Variants in HHLA2 observed in about 807,000 individuals in gnomAD.
The protein encoded by HHLA2 is HHLA2 member of B7 family, also known as HERV-H LTR-associating protein 2.
A neutral mutation model predicts 45.9 loss-of-function variants in HHLA2; 48 were observed. The observed-to-expected ratio is 1.05, with a 90% CI of 0.83 to 1.33. The LOEUF (loss-of-function observed/expected upper bound fraction) is 1.33. Ranked by LOEUF, HHLA2 falls within the 40% of genes most tolerant of loss-of-function variation. The pLI is 0.00. For synonymous variants in HHLA2, 161 were observed against 173.9 expected (o/e 0.93, Z 0.59); for missense variants, 462 against 494.3 (o/e 0.93, Z 0.62).
intron 2 of HHLA2, among the ~76,000 whole-genome samples, chr3:108,316,632 C>A (rs1048971450): frequency 6.6e-6 from 1 of 152,164 alleles, no homozygotes; most frequent in Non-Finnish European, 1.5e-5. Flanking sequence ...GAGACAGTTA[C>A]AGCTAGGTCA....
chr3:108,310,261 T>C (rs2080997434), intron 1 of HHLA2, among the ~76,000 whole-genome samples: 1 of 152,196 alleles, frequency 6.6e-6, no homozygotes, highest in Non-Finnish European at 1.5e-5. Context: ...TTGATATTTA[T>C]AGGAAAAACA....
At chr3:108,317,364 C>T (rs1027534553) in intron 2 of HHLA2, among the ~76,000 whole-genome samples, 1 of 152,112 alleles carries the variant, frequency 6.6e-6, no homozygotes, top group African/African-American at 2.4e-5. Context: ...CCAGCTGTTG[C>T]TGATTAAAGA....
chr3:108,320,150 T>C (rs2081174415), intron 2 of HHLA2, among the ~76,000 whole-genome samples: 1 of 152,218 alleles, frequency 6.6e-6, no homozygotes, highest in Non-Finnish European at 1.5e-5. Flanking sequence ...TTTCATAGAC[T>C]ATTTCCTAGA....
exon 6 of HHLA2, chr3:108,355,267 G>A (rs752698352): frequency 6.2e-7 from 1 of 1,613,826 alleles, no homozygotes; most frequent in Non-Finnish European, 8.5e-7. Flanking sequence ...AGGGTCTTTG[G>A]ATTCTTTTTC....
intron 3 of HHLA2, among the ~76,000 whole-genome samples, chr3:108,333,260 G>T (rs1158448627): frequency 6.6e-6 from 1 of 152,116 alleles, no homozygotes; most frequent in East Asian, 1.9e-4. Context: ...ATTAAGTAGA[G>T]GTGACGTGAT....
intron 8 of HHLA2, among the ~76,000 whole-genome samples, chr3:108,363,366 C>A (rs1192772091): frequency 6.6e-6 from 1 of 152,104 alleles, no homozygotes; most frequent in Admixed American, 6.5e-5. Flanking sequence ...CCCCAGAAGC[C>A]CTCCCTTATT....
chr3:108,341,422 A>G (rs2081569566), intron 3 of HHLA2, among the ~76,000 whole-genome samples: 1 of 152,238 alleles, frequency 6.6e-6, no homozygotes, highest in Non-Finnish European at 1.5e-5. Context: ...TAAACTTACT[A>G]CAAACTTCTA....
chr3:108,305,962 C>T (rs946323325), intron 1 of HHLA2, among the ~76,000 whole-genome samples: 1 of 152,180 alleles, frequency 6.6e-6, no homozygotes, highest in Admixed American at 6.5e-5. Context: ...TCATCACCAC[C>T]TTTGTGTCAT....
At chr3:108,372,706 G>A (rs1294062465) in intron 8 of HHLA2, among the ~76,000 whole-genome samples, 19 of 152,056 alleles carry the variant, frequency 1.2e-4, no homozygotes, top group African/African-American at 3.6e-4. Flanking sequence ...ACACCTCTAC[G>A]TGAATAAACT....
intron 2 of HHLA2, among the ~76,000 whole-genome samples, chr3:108,314,567 T>C (rs746023384): frequency 1.5e-4 from 23 of 152,070 alleles, no homozygotes; most frequent in Non-Finnish European, 2.5e-4. Flanking sequence ...ACACCATGGC[T>C]CCTCTCTCCA....
At position 108,343,715 on chromosome 3, in the gene HHLA2, A is replaced by G. The variant is rs1001303608; in HGVS notation, c.-26-8073A>G. Reference sequence around the variant, plus strand: ...ATATGAAAAGATGACAAAGGGATTGAGTGGGAATGATTAACCTCATACTGG... The same window carrying G: ...ATATGAAAAGATGACAAAGGGATTGGGTGGGAATGATTAACCTCATACTGG... On this transcript the variant is annotated intron_variant, in intron 3 of 10. Transcript: ENST00000619531. Among the ~76,000 whole-genome samples, 11 of 152,220 alleles carry G rather than the reference A, an allele frequency of 7.2e-5. No individual in the cohort carries two copies. In the East Asian group the frequency reaches 1.9e-3, roughly 27 times the overall value.
rs1477677242 is a variant in HHLA2 at position 108,310,361 on chromosome 3, C to T, written c.-191-294C>T. Among the ~76,000 whole-genome samples the T allele has an allele frequency of 2.0e-5, 3 of 152,154 alleles. No homozygotes were observed. In the East Asian group the frequency reaches 5.8e-4, roughly 29 times the overall value. On this transcript the variant is annotated intron_variant, in intron 1 of 10. Coordinates refer to ENST00000619531, the Ensembl canonical transcript of HHLA2. ...AGAATTCAAAATTCATCAAAAATACCTGTTAATATATTTGTGTTATTTTCA... is the reference window on the plus strand; with the variant it reads ...AGAATTCAAAATTCATCAAAAATACTTGTTAATATATTTGTGTTATTTTCA...
intron 2 of HHLA2, among the ~76,000 whole-genome samples, chr3:108,320,381 G>C (rs1484256477): frequency 1.3e-5 from 2 of 152,216 alleles, no homozygotes; most frequent in Non-Finnish European, 2.9e-5. Context: ...CCAAGGTTAT[G>C]AAATAGAATT....
chr3:108,354,812 C>T (rs1237813545), intron 5 of HHLA2, among the ~76,000 whole-genome samples: 2 of 152,088 alleles, frequency 1.3e-5, no homozygotes, highest in Admixed American at 6.5e-5. Flanking sequence ...TAGACATCCT[C>T]ATTTTGGTTT....
chr3:108,330,295 G>T (rs1411966983), intron 3 of HHLA2, among the ~76,000 whole-genome samples: 1 of 152,168 alleles, frequency 6.6e-6, no homozygotes, highest in African/African-American at 2.4e-5. Flanking sequence ...ATAATCAGAG[G>T]CTGTGGTAGG....
intron 3 of HHLA2, among the ~76,000 whole-genome samples, chr3:108,333,895 G>A (rs766531039): frequency 6.6e-6 from 1 of 152,152 alleles, no homozygotes; most frequent in Non-Finnish European, 1.5e-5. Flanking sequence ...AAGATTGTAA[G>A]AGCTAGTATT....
At chr3:108,372,839 G>A (rs1329846869) in intron 8 of HHLA2, among the ~76,000 whole-genome samples, 1 of 152,168 alleles carries the variant, frequency 6.6e-6, no homozygotes, top group Non-Finnish European at 1.5e-5. Context: ...ATAATCAATA[G>A]CTTACCAACC....
At chr3:108,330,986 A>C (rs952830757) in intron 3 of HHLA2, among the ~76,000 whole-genome samples, 3 of 152,136 alleles carry the variant, frequency 2.0e-5, no homozygotes, top group Admixed American at 6.5e-5. Flanking sequence ...GTCCCCAAGG[A>C]AAGAAAGTGC....
chr3:108,322,178 G>C (rs2107348119), intron 2 of HHLA2, among the ~76,000 whole-genome samples: 1 of 152,268 alleles, frequency 6.6e-6, no homozygotes, highest in South Asian at 2.1e-4. Flanking sequence ...CTTATTGGAG[G>C]CTCTAAGAGC....
Sources: gnomAD v4.1 joint callset for allele counts (sites outside exome capture counted in the v4.1 genomes callset) on GRCh38, gnomAD v4.1.1 for gene constraint, MANE v1.5 for transcripts, NCBI Gene and HGNC (gene_info 2026-07-23, HGNC 2026-07-21) for gene names.